The following ATP6V1B1 variants were observed in gnomAD, a reference collection of about 807,000 sequenced individuals.
The protein encoded by ATP6V1B1 is ATPase H+ transporting V1 subunit B1.
Under a neutral mutation model 62.1 loss-of-function variants are expected in ATP6V1B1, and 41 were observed. The observed-to-expected ratio is 0.66, with a 90% CI of 0.51 to 0.86. The LOEUF (loss-of-function observed/expected upper bound fraction) is 0.86. ATP6V1B1 is among the 40% of genes least tolerant of loss of function. The probability of loss-of-function intolerance (pLI) is 0.00; values close to 1 mark genes in which losing one functional copy is unlikely to be tolerated. For missense variants in ATP6V1B1, 651 were observed against 697.5 expected (o/e 0.93, Z 0.75); for synonymous variants, 253 against 273.4 (o/e 0.93, Z 0.74).
intron 1 of ATP6V1B1, chr2:70,941,671 C>A: frequency 1.1e-6 from 1 of 945,892 alleles, no homozygotes; most frequent in Non-Finnish European, 1.3e-6. Flanking sequence ...TAGCTTAGTA[C>A]ATAGAAGGCA....
At chr2:70,946,299 G>C (rs1484835002) in intron 2 of ATP6V1B1, among the ~76,000 whole-genome samples, 2 of 152,200 alleles carry the variant, frequency 1.3e-5, no homozygotes, top group Admixed American at 1.3e-4. Flanking sequence ...CAGTGTAAGG[G>C]ACGCCCCAGG....
chr2:70,960,717 G>A (rs1680563938), intron 6 of ATP6V1B1, among the ~76,000 whole-genome samples: 2 of 152,118 alleles, frequency 1.3e-5, no homozygotes, highest in Non-Finnish European at 2.9e-5. Flanking sequence ...ACTCTGTCCT[G>A]CCTCTCGTGT....
rs1553420896 is a variant in ATP6V1B1 at position 70,965,249 on chromosome 2, G to T, written c.*128G>T. 1 of 1,342,494 alleles carries T rather than the reference G, an allele frequency of 7.4e-7. No homozygotes were observed. The allele number at this position is 1,342,494 out of a possible 1,614,324, so 83.2% of individuals were successfully genotyped here. A position where few individuals can be genotyped will look rare whatever the true frequency, so the allele number is the denominator to read the frequency against. On this transcript the variant is annotated 3_prime_UTR_variant, in exon 14 of 14. Coordinates refer to ENST00000234396, the MANE Select transcript of ATP6V1B1 (RefSeq NM_001692.4). The stretch of plus-strand genomic sequence containing the variant: ...GCCCTCCGCTGGCTCCGAGGTGGTG[G>T]GGGCGCCGCACGCTCCATCCCTTTC...
At chr2:70,943,851 C>A in intron 2 of ATP6V1B1, 138 bp downstream of exon 2, 1 of 1,297,608 alleles carries the variant, frequency 7.7e-7, no homozygotes, top group South Asian at 1.3e-5. Context: ...TCCAGGCACC[C>A]ACTCCCACTC....
At chr2:70,948,173 T>A (rs1680231739) in intron 2 of ATP6V1B1, 1 of 152,086 alleles carries the variant, frequency 6.6e-6, no homozygotes, top group African/African-American at 2.4e-5. Flanking sequence ...CGCACCACTC[T>A]CCTCTCCACT....
Position 70,963,617 on chromosome 2 carries a change from GA to G in ATP6V1B1, c.1107del (p.Gln370ArgfsTer26). On this transcript the variant is annotated frameshift_variant, in exon 11 of 14. Transcript: ENST00000234396. LOFTEE classifies it high-confidence loss of function. This position sits in a 1 kb window ranked among gnomAD's most constrained non-coding sequence, Gnocchi z 4.3. The part of the protein sequence containing the change: ...IPDLTGFITE[G>X]QIYVDRQLHN... The stretch of plus-strand genomic sequence containing the variant: ...GACTTGACGGGCTTCATCACAGAGG[GA>G]CAGATCTACGTGGACAGACAGCTTC... The G allele has an allele frequency of 6.2e-7, 1 of 1,614,162 alleles. No individual in the cohort carries two copies. The highest frequency in any genetic ancestry group is 1.1e-5 in the South Asian group (1 of 91,078).
intron 2 of ATP6V1B1, among the ~76,000 whole-genome samples, chr2:70,957,109 T>G (rs1322416045): frequency 7.0e-6 from 1 of 143,872 alleles, no homozygotes; most frequent in Non-Finnish European, 1.5e-5. Flanking sequence ...TTTTTTTGGA[T>G]GGAGTCTCAC....
intron 2 of ATP6V1B1, among the ~76,000 whole-genome samples, chr2:70,949,910 G>C (rs1381549503): frequency 1.3e-5 from 2 of 152,160 alleles, no homozygotes; most frequent in Non-Finnish European, 2.9e-5. Flanking sequence ...CTTGCTTAAA[G>C]ACATTGCTCA....
intron 7 of ATP6V1B1, 109 bp from the exon 8 acceptor site, chr2:70,961,487 G>A (rs569726646): frequency 1.3e-5 from 15 of 1,157,674 alleles, no homozygotes; most frequent in East Asian, 2.3e-5. Flanking sequence ...CACCCCCAGC[G>A]ACTGGTAGCT....
chr2:70,958,452 G>C (rs372947302), intron 4 of ATP6V1B1, 26 bp downstream of exon 4: 1 of 1,599,892 alleles, frequency 6.3e-7, no homozygotes, highest in East Asian at 2.2e-5. Flanking sequence ...GGGCAGGGGT[G>C]GGGGTGCTCC....
rs532886016 is a variant in ATP6V1B1, at chr2:70,948,678, T to TCGG, written c.174+4966_174+4968dup. ...CTGGGTGTTCGGAGCTCCTCCCACC[T>TCGG]CGGAGCCCTCCTCCCCGGCCGGCCT... On this transcript the variant is annotated intron_variant, in intron 2 of 13. Coordinates refer to ENST00000234396, the MANE Select transcript of ATP6V1B1 (RefSeq NM_001692.4). 6 of 152,262 alleles carry TCGG rather than the reference T, an allele frequency of 3.9e-5. No homozygotes were observed. In the South Asian group the frequency reaches 1.2e-3, roughly 32 times the overall value. The allele number at this position is 152,262 out of a possible 1,614,324, so 9.4% of individuals were successfully genotyped here.
chr2:70,950,786 T>C (rs1455031940), intron 2 of ATP6V1B1, among the ~76,000 whole-genome samples: 2 of 152,146 alleles, frequency 1.3e-5, no homozygotes, highest in African/African-American at 2.4e-5. Flanking sequence ...CTTTACTTTT[T>C]ATTTTGAAAC....
At position 70,940,970 on chromosome 2, in the gene ATP6V1B1, A is replaced by G. The variant is rs1198896905; in HGVS notation, c.119-2688A>G. On this transcript the variant is annotated intron_variant, in intron 1 of 13. Transcript: ENST00000234396. ...ACTCTGTCACCCAGGCTGGAGTGCA[A>G]TAATAGCATGATCAGAGCTCACCGC... The G allele has an allele frequency of 2.0e-5, 18 of 892,642 alleles. No homozygotes were observed. In the African/African-American group the frequency reaches 3.5e-4, roughly 17 times the overall value. The allele number at this position is 892,642 out of a possible 1,614,324, so 55.3% of individuals were successfully genotyped here. A position where few individuals can be genotyped will look rare whatever the true frequency, so the allele number is the denominator to read the frequency against.
chr2:70,945,705 T>TAG (rs1161352112), intron 2 of ATP6V1B1, among the ~76,000 whole-genome samples: 1 of 72,522 alleles, frequency 1.4e-5, no homozygotes, highest in Non-Finnish European at 2.6e-5. Context: ...TGAAGAGATA[T>TAG]ATATATATAT....
chr2:70,936,970 AC>A (rs1679869282), intron 1 of ATP6V1B1, among the ~76,000 whole-genome samples: 1 of 151,994 alleles, frequency 6.6e-6, no homozygotes, highest in South Asian at 2.1e-4. Context: ...ACCAAAGGGA[AC>A]CCCTGCATCT....
chr2:70,937,231 C>G (rs1553415584), intron 1 of ATP6V1B1, among the ~76,000 whole-genome samples: 1 of 152,134 alleles, frequency 6.6e-6, no homozygotes, highest in African/African-American at 2.4e-5. Flanking sequence ...ATGCAGCCAC[C>G]CCACCTCCCT....
At chr2:70,936,105 C>G (rs546560498) in intron 1 of ATP6V1B1, 33 bp downstream of exon 1, 1 of 1,606,014 alleles carries the variant, frequency 6.2e-7, no homozygotes, top group South Asian at 1.1e-5. Context: ...CGGGTGAGGT[C>G]AGGGTGGGGA....
rs1418218970 is a variant in ATP6V1B1, at chr2:70,936,013, G to C, written c.59G>C (p.Gly20Ala). Reference sequence around the variant, plus strand: ...CTCCCCGGCAGTAGCTGCAACCTAGGTGCAGCCCGAGAACACATGCAGGCG... The same window carrying C: ...CTCCCCGGCAGTAGCTGCAACCTAGCTGCAGCCCGAGAACACATGCAGGCG... ...GGLPGSSCNL[G>A]AAREHMQAVT... Residue 20 changes from glycine to alanine, a missense_variant, in exon 1 of 14, where the codon GGT (glycine) becomes GCT (alanine). By Grantham distance (60) the Gly-to-Ala change is moderately conservative (BLOSUM62 0). Transcript: ENST00000234396. 1.1e-5 allele frequency: 17 copies of C among 1,613,924 alleles called. No homozygotes were observed. The highest frequency in any genetic ancestry group is 1.4e-5 in the Non-Finnish European group (17 of 1,179,966).
At chr2:70,944,111 C>G (rs782097850) in intron 2 of ATP6V1B1, 166 of 1,285,870 alleles carry the variant, frequency 1.3e-4, no homozygotes, top group Middle Eastern at 4.3e-4. Context: ...TCGACTCTCA[C>G]AGGATCTTCT....
Sources: allele counts gnomAD v4.1 joint callset (sites outside exome capture counted in the v4.1 genomes callset), GRCh38; gene constraint gnomAD v4.1.1; non-coding constraint Gnocchi (gnomAD v3.1); transcripts MANE v1.5; gene names NCBI Gene and HGNC (gene_info 2026-07-23, HGNC 2026-07-21).